The following IGF1R variants were observed in gnomAD, a reference collection of about 807,000 sequenced individuals.
The protein encoded by IGF1R is insulin like growth factor 1 receptor, also known as insulin-like growth factor 1 receptor.
IGF1R carries 44 observed loss-of-function variants against 144.6 expected under a neutral mutation model. The ratio of observed to expected loss-of-function variants is 0.30; its 90% confidence interval spans 0.24 to 0.39. The LOEUF (loss-of-function observed/expected upper bound fraction) is 0.39. Ranked by LOEUF, IGF1R falls within the 10% of genes least tolerant of loss-of-function variation. The pLI is 1.00. For synonymous variants in IGF1R, 795 were observed against 722.8 expected, an observed-to-expected ratio of 1.10 and a Z score of -1.60; for missense variants, 1,355 against 1,833.7, an observed-to-expected ratio of 0.74 and a Z score of 4.77.
At chr15:98,940,048 G>GTTT (rs2016309216) in intron 18 of IGF1R, among the ~76,000 whole-genome samples, 1 of 152,198 alleles carries the variant, frequency 6.6e-6, no homozygotes, top group South Asian at 2.1e-4. Flanking sequence ...TCTGAGCAAT[G>GTTT]GTTAAAACCC....
chr15:98,870,295 AAAT>A (rs1402815039), intron 2 of IGF1R, among the ~76,000 whole-genome samples: 16 of 152,236 alleles, frequency 1.1e-4, no homozygotes, highest in African/African-American at 3.9e-4. Flanking sequence ...CCAAAAACAA[AAAT>A]AAGTCTTTGA....
intron 2 of IGF1R, among the ~76,000 whole-genome samples, chr15:98,792,572 A>G (rs1028839103): frequency 1.4e-4 from 21 of 152,216 alleles, no homozygotes; most frequent in African/African-American, 4.3e-4. Context: ...TACCCAGGTT[A>G]CCATTTTAAG....
chr15:98,933,848 A>T (rs2016037645), intron 15 of IGF1R, among the ~76,000 whole-genome samples: 1 of 152,262 alleles, frequency 6.6e-6, no homozygotes, highest in East Asian at 1.9e-4. Flanking sequence ...CCTCAGTCTC[A>T]GAGCTCAGTT....
At position 98,891,573 on chromosome 15, in the gene IGF1R, G is replaced by C. The variant is rs547142975; in HGVS notation, c.889G>C (p.Val297Leu). 4 of 1,607,468 alleles carry C rather than the reference G, an allele frequency of 2.5e-6. No homozygotes were observed. The highest frequency in any genetic ancestry group is 3.4e-6 in the Non-Finnish European group (4 of 1,179,986). The change falls in exon 3 of 21, where the codon GTG becomes CTG. Residue 297 changes from valine (V) to leucine (L), a missense_variant. Around this residue, in one of 7 missense-constraint regions of IGF1R, gnomAD observed 880 missense variants for 1,202.7 expected, o/e 0.73. Transcript: ENST00000650285. This position sits in a 1 kb window ranked among gnomAD's most constrained non-coding sequence, Gnocchi z 4.7. Reference sequence around the variant, plus strand: ...CGAGAGCAGCGACTCCGAGGGGTTTGTGATCCACGACGGCGAGTGCATGCA... The same window carrying C: ...CGAGAGCAGCGACTCCGAGGGGTTTCTGATCCACGACGGCGAGTGCATGCA... The part of the protein sequence containing the change: ...SAESSDSEGF[V>L]IHDGECMQEC...
chr15:98,726,434 T>C (rs1313916003), intron 2 of IGF1R, among the ~76,000 whole-genome samples: 1 of 152,226 alleles, frequency 6.6e-6, no homozygotes, highest in Non-Finnish European at 1.5e-5. Context: ...CAAGAAACTT[T>C]TAAATCTTTG....
At chr15:98,799,179 A>G (rs571949402) in intron 2 of IGF1R, among the ~76,000 whole-genome samples, 18 of 152,294 alleles carry the variant, frequency 1.2e-4, no homozygotes, top group Admixed American at 2.6e-4. Flanking sequence ...ATCTGTATTC[A>G]TTATATCTGT....
In IGF1R at chr15:98,810,649, C is replaced by T. The variant is rs577415695; in HGVS notation, c.641-80676C>T. Among the ~76,000 whole-genome samples the T allele has an allele frequency of 6.6e-5, 10 of 151,838 alleles. No homozygotes were observed. In the South Asian group the frequency reaches 1.2e-3, roughly 19 times the overall value. ...CTGCAGGCTCCGCCTCCCGGCTTCA[C>T]GCCATTCTTCTGCCTCAACCTCCCA... is the stretch of plus-strand genomic sequence containing the variant. On this transcript the variant is annotated intron_variant, in intron 2 of 20. Coordinates refer to ENST00000650285, the MANE Select transcript of IGF1R (RefSeq NM_000875.5).
chr15:98,924,470 C>T (rs2015622729), intron 12 of IGF1R, 55 bp from the exon 13 acceptor site: 18 of 1,569,740 alleles, frequency 1.1e-5, no homozygotes, highest in Non-Finnish European at 1.4e-5. Context: ...AGTTGGCAGG[C>T]CCCAGATTTC....
In IGF1R at chr15:98,964,367, A is replaced by G. The variant is rs2017345382; in HGVS notation, c.*6925A>G. Reference sequence around the variant, plus strand: ...TGTTTTTGTATATTCTGTTGTAAGAATTTATTCCTGTTATTGCGATATACT... The same window carrying G: ...TGTTTTTGTATATTCTGTTGTAAGAGTTTATTCCTGTTATTGCGATATACT... On this transcript the variant is annotated 3_prime_UTR_variant, in exon 21 of 21. Transcript: ENST00000650285. 4.3e-6 allele frequency: 1 copy of G among 230,822 alleles called. No homozygotes were observed. Among genetic ancestry groups the G allele is most frequent in the Non-Finnish European group, 8.6e-6 (1 of 116,480 alleles). The allele number at this position is 230,822 out of a possible 1,614,324, so 14.3% of individuals were successfully genotyped here.
chr15:98,778,027 G>A (rs946965126), intron 2 of IGF1R, among the ~76,000 whole-genome samples: 1 of 152,224 alleles, frequency 6.6e-6, no homozygotes, highest in African/African-American at 2.4e-5. Flanking sequence ...GCATGACAGA[G>A]TGTTCAGCAA....
intron 15 of IGF1R, among the ~76,000 whole-genome samples, chr15:98,932,659 T>A (rs1179487240): frequency 1.3e-5 from 2 of 152,210 alleles, no homozygotes; most frequent in African/African-American, 4.8e-5. Context: ...CTTTACACTT[T>A]CTGAGGCGCA....
chr15:98,772,510 A>ATTATTATTATTG (rs60796484), intron 2 of IGF1R, among the ~76,000 whole-genome samples: 39,147 of 141,642 alleles, frequency 0.28, 6,145 homozygotes, highest in East Asian at 0.34. Flanking sequence ...TATTATTATT[A>ATTATTATTATTG]TTATTTTAAG....
At chr15:98,747,177 T>C (rs4966023) in intron 2 of IGF1R, among the ~76,000 whole-genome samples, 137,722 of 152,108 alleles carry the variant, frequency 0.91, 63,016 homozygotes, top group Non-Finnish European at 0.98. Context: ...ACTTACACTA[T>C]TCAATTTGTC....
At chr15:98,806,532 C>G (rs1054780205) in intron 2 of IGF1R, among the ~76,000 whole-genome samples, 3 of 151,936 alleles carry the variant, frequency 2.0e-5, no homozygotes, top group Admixed American at 2.0e-4. Flanking sequence ...GAGACTCTCT[C>G]TCTCATTGGT....
intron 2 of IGF1R, among the ~76,000 whole-genome samples, chr15:98,757,525 G>C (rs542571384): frequency 2.1e-4 from 32 of 151,998 alleles, no homozygotes; most frequent in African/African-American, 7.0e-4. Context: ...TTTATCTGCC[G>C]TTTTGCTTGA....
chr15:98,753,180 C>G (rs901822324), intron 2 of IGF1R, among the ~76,000 whole-genome samples: 2 of 151,478 alleles, frequency 1.3e-5, no homozygotes, highest in African/African-American at 4.8e-5. Context: ...GATCACCTGC[C>G]TCGGCCTCCC....
rs537115361 is a variant in IGF1R, at chr15:98,707,141, T to C, written c.95-421T>C. On this transcript the variant is annotated intron_variant, in intron 1 of 20. Transcript: ENST00000650285. This position sits in a 1 kb window ranked among gnomAD's most constrained non-coding sequence, Gnocchi z 6.7. ...CAGGCAGGGTGCAGTAGTAAGTTAT[T>C]GATACTTGGCTGCTGAGCTGTCGTT... is the stretch of plus-strand genomic sequence containing the variant. Among the ~76,000 whole-genome samples the C allele has an allele frequency of 6.6e-6, 1 of 152,324 alleles. No homozygotes were observed. Among genetic ancestry groups the C allele is most frequent in the Admixed American group, 6.5e-5 (1 of 15,306 alleles).
At position 98,935,543 on chromosome 15, in the gene IGF1R, T is replaced by G. The variant is rs1258025323; in HGVS notation, c.3297+117T>G. 2.7e-6 allele frequency: 2 copies of G among 739,128 alleles called. No homozygotes were observed. The highest frequency in any genetic ancestry group is 4.9e-6 in the Non-Finnish European group (2 of 406,424). The allele number at this position is 739,128 out of a possible 1,614,324, so 45.8% of individuals were successfully genotyped here. On this transcript the variant is annotated intron_variant, in intron 17 of 20. Coordinates refer to ENST00000650285, the MANE Select transcript of IGF1R (RefSeq NM_000875.5). The surrounding 1 kb of genome is among the most constrained non-coding windows in gnomAD (Gnocchi z 4.2). ...TCAGTTTACTTTCCAGCATCCAGTG[T>G]TTCTTACTGCATGCTCAGTTGTAGG...
chr15:98,924,766 C>A (rs2151694970), intron 13 of IGF1R, 82 bp downstream of exon 13: 1 of 1,268,626 alleles, frequency 7.9e-7, no homozygotes, highest in Non-Finnish European at 1.1e-6. Context: ...GTGTTCATGG[C>A]TGTCTTATTT....
Sources: allele counts gnomAD v4.1 joint callset (sites outside exome capture counted in the v4.1 genomes callset), GRCh38; gene constraint gnomAD v4.1.1; regional missense constraint gnomAD v4.1.1; non-coding constraint Gnocchi (gnomAD v3.1); transcripts MANE v1.5; gene names NCBI Gene and HGNC (gene_info 2026-07-23, HGNC 2026-07-21).